Variants in MAGI3 observed in about 807,000 individuals in gnomAD.
MAGI3 encodes membrane associated guanylate kinase, WW and PDZ domain containing 3, also known as membrane-associated guanylate kinase, WW and PDZ domain-containing protein 3.
MAGI3 carries 43 observed loss-of-function variants against 121.8 expected under a neutral mutation model. The ratio of observed to expected loss-of-function variants is 0.35; its 90% CI spans 0.28 to 0.46. MAGI3 has a LOEUF of 0.46. MAGI3 is among the 20% of genes least tolerant of loss of function. The probability of loss-of-function intolerance (pLI) is 1.00; values close to 1 mark genes in which losing one functional copy is unlikely to be tolerated. For synonymous variants in MAGI3, 553 were observed against 639.3 expected (o/e 0.86, Z 2.04); for missense variants, 1,547 against 1,797.3 (o/e 0.86, Z 2.52).
At chr1:113,458,925 A>G (rs1397875973) in intron 1 of MAGI3, among the ~76,000 whole-genome samples, 1 of 152,250 alleles carries the variant, frequency 6.6e-6, no homozygotes, top group Non-Finnish European at 1.5e-5. Flanking sequence ...AACTTTAATA[A>G]GAATTTAACC....
intron 9 of MAGI3, among the ~76,000 whole-genome samples, chr1:113,638,143 C>G (rs1652170129): frequency 6.6e-6 from 1 of 152,082 alleles, no homozygotes; most frequent in Non-Finnish European, 1.5e-5. Flanking sequence ...AAATTTTTTT[C>G]AAAGTTTTTA....
At chr1:113,470,441 C>T (rs1217541849) in intron 1 of MAGI3, among the ~76,000 whole-genome samples, 2 of 152,156 alleles carry the variant, frequency 1.3e-5, no homozygotes, top group Non-Finnish European at 2.9e-5. Context: ...CACAGTTACA[C>T]ACAACACTTC....
chr1:113,669,189 A>G (rs895174712), intron 16 of MAGI3, among the ~76,000 whole-genome samples: 13 of 152,236 alleles, frequency 8.5e-5, no homozygotes, highest in Admixed American at 8.5e-4. Flanking sequence ...ATCGAACTCT[A>G]TACTGGGCAG....
At chr1:113,651,227 T>G in intron 14 of MAGI3, 21 bp downstream of exon 14, 1 of 1,575,510 alleles carries the variant, frequency 6.3e-7, no homozygotes, top group South Asian at 1.2e-5. Flanking sequence ...TTGTTCCTGC[T>G]CTGAAAAGTT....
intron 16 of MAGI3, among the ~76,000 whole-genome samples, chr1:113,660,747 T>C (rs957565431): frequency 6.7e-6 from 1 of 149,304 alleles, no homozygotes; most frequent in Non-Finnish European, 1.5e-5. Context: ...CCTGAGTAGC[T>C]AGGACTACAT....
intron 20 of MAGI3, 90 bp downstream of exon 20, chr1:113,681,426 T>G (rs1361922250): frequency 1.7e-5 from 24 of 1,373,894 alleles, no homozygotes; most frequent in Non-Finnish European, 2.0e-6. Context: ...AGGATAGATA[T>G]TTTACTAGTT....
intron 1 of MAGI3, among the ~76,000 whole-genome samples, chr1:113,474,074 C>A (rs921460565): frequency 6.6e-6 from 1 of 152,186 alleles, no homozygotes; most frequent in South Asian, 2.1e-4. Context: ...TCTTTTGAGA[C>A]GTGTCTGTTC....
intron 2 of MAGI3, among the ~76,000 whole-genome samples, chr1:113,561,465 A>G (rs1228803739): frequency 1.3e-5 from 2 of 152,182 alleles, no homozygotes; most frequent in African/African-American, 2.4e-5. Context: ...TTCAACATAC[A>G]CAAATCAATA....
intron 13 of MAGI3, among the ~76,000 whole-genome samples, chr1:113,649,984 A>G (rs1653066860): frequency 6.6e-6 from 1 of 152,234 alleles, no homozygotes; most frequent in South Asian, 2.1e-4. Context: ...CTTGGTTTGA[A>G]TAACAAAGAA....
At chr1:113,601,640 C>G (rs974306461) in intron 6 of MAGI3, among the ~76,000 whole-genome samples, 4 of 148,338 alleles carry the variant, frequency 2.7e-5, no homozygotes, top group South Asian at 4.5e-4. Flanking sequence ...TAAACTAGTT[C>G]AACCCTTGTG....
chr1:113,675,837 G>A (rs933698766), intron 19 of MAGI3, among the ~76,000 whole-genome samples: 1 of 152,328 alleles, frequency 6.6e-6, no homozygotes, highest in East Asian at 1.9e-4. Context: ...ATCGTGACAA[G>A]AACATGGGTT....
At chr1:113,459,488 T>G (rs974837150) in intron 1 of MAGI3, among the ~76,000 whole-genome samples, 4 of 152,238 alleles carry the variant, frequency 2.6e-5, no homozygotes, top group Admixed American at 2.6e-4. Context: ...AATGACTGTC[T>G]GGCTAAAAGT....
At position 113,473,266 on chromosome 1, in the gene MAGI3, AT is replaced by A. The variant is rs1341005578; in HGVS notation, c.317-76242del. 2.6e-5 allele frequency among the ~76,000 whole-genome samples: 4 copies of A among 151,064 alleles called. No individual in the cohort carries two copies. In the East Asian group the frequency reaches 5.8e-4, roughly 22 times the overall value. On this transcript the variant is annotated intron_variant, in intron 1 of 20. Coordinates refer to ENST00000307546, the MANE Select transcript of MAGI3 (RefSeq NM_001142782.2). ...TTTTCTTCCAGTACTTTATTTATTT[AT>A]TTTTTTATTATACTTTAAGTTCTAG...
At position 113,422,598 on chromosome 1, in the gene MAGI3, C is replaced by T. The variant is rs1223309840; in HGVS notation, c.316+31249C>T. On this transcript the variant is annotated intron_variant, in intron 1 of 20. Coordinates refer to ENST00000307546, the MANE Select transcript of MAGI3 (RefSeq NM_001142782.2). The surrounding 1 kb of genome is among the most constrained non-coding windows in gnomAD (Gnocchi z 4.3). ...GGGTGGCGGGGCAGGCAGCTCCCGG[C>T]GCTGGCACAGGCGCCTGCTCCGTGC... is the stretch of plus-strand genomic sequence containing the variant. Among the ~76,000 whole-genome samples, 1 of 152,204 alleles carries T rather than the reference C, an allele frequency of 6.6e-6. No homozygotes were observed. Among genetic ancestry groups the T allele is most frequent in the Non-Finnish European group, 1.5e-5 (1 of 68,026 alleles).
intron 14 of MAGI3, among the ~76,000 whole-genome samples, chr1:113,651,803 GT>G (rs991911393): frequency 6.6e-6 from 1 of 151,042 alleles, no homozygotes; most frequent in African/African-American, 2.4e-5. Context: ...AATTTGTTTT[GT>G]TTTTTTTTAA....
intron 4 of MAGI3, among the ~76,000 whole-genome samples, chr1:113,588,839 A>G (rs2101732421): frequency 6.6e-6 from 1 of 152,310 alleles, no homozygotes; most frequent in East Asian, 1.9e-4. Context: ...GGTAGCAAAT[A>G]TAAACTCTTT....
intron 1 of MAGI3, among the ~76,000 whole-genome samples, chr1:113,514,772 A>G (rs923376845): frequency 2.0e-5 from 3 of 152,186 alleles, no homozygotes; most frequent in African/African-American, 7.2e-5. Flanking sequence ...AACTTAAAGT[A>G]TAATAATAAA....
At chr1:113,561,160 G>A (rs904644502) in intron 2 of MAGI3, among the ~76,000 whole-genome samples, 1 of 152,204 alleles carries the variant, frequency 6.6e-6, no homozygotes, top group Admixed American at 6.5e-5. Context: ...GGACCAGATG[G>A]ATTTATAGCT....
At chr1:113,626,612 T>C (rs1651255210) in intron 9 of MAGI3, among the ~76,000 whole-genome samples, 1 of 152,164 alleles carries the variant, frequency 6.6e-6, no homozygotes, top group Non-Finnish European at 1.5e-5. Flanking sequence ...GAGACTATTA[T>C]GGCTTCAATC....
Sources: gnomAD v4.1 joint callset for allele counts (sites outside exome capture counted in the v4.1 genomes callset) on GRCh38, gnomAD v4.1.1 for gene constraint, Gnocchi (gnomAD v3.1) non-coding constraint, MANE v1.5 for transcripts, NCBI Gene and HGNC (gene_info 2026-07-23, HGNC 2026-07-21) for gene names.